Variants in KAT6B observed in about 807,000 individuals in gnomAD.
KAT6B encodes the protein histone acetyltransferase KAT6B.
KAT6B carries 10 observed loss-of-function variants against 187.5 expected under a neutral mutation model. The ratio of observed to expected loss-of-function variants is 0.05; its 90% CI spans 0.03 to 0.09. The LOEUF (loss-of-function observed/expected upper bound fraction) is 0.09, where lower values mean the gene tolerates loss of function less well. KAT6B is among the 10% of genes least tolerant of loss of function. KAT6B has a pLI of 1.00. For synonymous variants in KAT6B, 861 were observed against 926.8 expected, an observed-to-expected ratio of 0.93 and a Z score of 1.29; for missense variants, 1,952 against 2,558.9, an observed-to-expected ratio of 0.76 and a Z score of 5.12.
intron 3 of KAT6B, among the ~76,000 whole-genome samples, chr10:74,850,714 G>A (rs1842424453): frequency 6.6e-6 from 1 of 152,162 alleles, no homozygotes; most frequent in Admixed American, 6.5e-5. Context: ...CAGATTATGA[G>A]GACTTTGGAA....
intron 13 of KAT6B, among the ~76,000 whole-genome samples, chr10:75,018,357 G>T (rs959741017): frequency 2.3e-4 from 35 of 152,234 alleles, no homozygotes; most frequent in Admixed American, 1.8e-3. Context: ...GTCCAAGGGA[G>T]TGTCTCAGGA....
rs763608851 is a variant in KAT6B at position 74,969,788 on chromosome 10, C to T, written c.846+13C>T. On this transcript the variant is annotated intron_variant, in intron 5 of 17. Coordinates refer to ENST00000287239, the MANE Select transcript of KAT6B (RefSeq NM_012330.4). Reference sequence around the variant, plus strand: ...AGGCAGAAATGCTGTAAGTATGGCTCCCGTAATCCGCCTCCAGGTAACTCG... The same window carrying T: ...AGGCAGAAATGCTGTAAGTATGGCTTCCGTAATCCGCCTCCAGGTAACTCG... The T allele has an allele frequency of 1.9e-5, 29 of 1,558,628 alleles. No individual in the cohort carries two copies. Among genetic ancestry groups the T allele is most frequent in the Non-Finnish European group, 9.7e-6 (11 of 1,129,580 alleles).
At chr10:74,928,110 A>C (rs954756900) in intron 3 of KAT6B, among the ~76,000 whole-genome samples, 2 of 152,228 alleles carry the variant, frequency 1.3e-5, no homozygotes, top group Non-Finnish European at 2.9e-5. Flanking sequence ...TATAGCTGTA[A>C]TATAACATTT....
chr10:74,966,669 A>G (rs1233234193), intron 4 of KAT6B, among the ~76,000 whole-genome samples: 1 of 152,238 alleles, frequency 6.6e-6, no homozygotes, highest in Non-Finnish European at 1.5e-5. Context: ...GCAAAATACA[A>G]TAGTAAAACA....
At position 74,843,322 on chromosome 10, in the gene KAT6B, G is replaced by A. The variant is rs143630427; in HGVS notation, c.465G>A (p.Gly155=). The change falls in exon 3 of 18, where the codon GGG becomes GGA. Residue 155 remains glycine, a synonymous_variant. Transcript: ENST00000287239. ...NPAFQQRLRL[G]AKRAVNNGRL... ...CCTTTCAGCAGCGGCTGCGACTGGG[G>A]GCCAAACGCGCTGTGAATAATGGGA... 4.9e-5 allele frequency: 79 copies of A among 1,613,412 alleles called. No individual in the cohort carries two copies. The highest frequency in any genetic ancestry group is 6.2e-5 in the Non-Finnish European group (73 of 1,179,746).
rs1846281058 is a variant in KAT6B, at chr10:75,030,962, G to C, written c.6138G>C (p.Met2046Ile). Reference sequence around the variant, plus strand: ...TGCAGACCCCACCCCACGGTAACATGATGTACACGGCCCCCGGACATCACG... The same window carrying C: ...TGCAGACCCCACCCCACGGTAACATCATGTACACGGCCCCCGGACATCACG... ...QPMQTPPHGN[M>I]MYTAPGHHGY... Residue 2046 changes from methionine (M) to isoleucine (I), a missense_variant, in exon 18 of 18, where the codon ATG becomes ATC. Coordinates refer to ENST00000287239, the MANE Select transcript of KAT6B (RefSeq NM_012330.4). This position sits in a 1 kb window ranked among gnomAD's most constrained non-coding sequence, Gnocchi z 4.8. 2.5e-6 allele frequency: 4 copies of C among 1,614,146 alleles called. No homozygotes were observed. The highest frequency in any genetic ancestry group is 3.4e-6 in the Non-Finnish European group (4 of 1,180,034).
intron 13 of KAT6B, among the ~76,000 whole-genome samples, chr10:74,999,912 C>T (rs1044879256): frequency 6.6e-6 from 1 of 152,228 alleles, no homozygotes; most frequent in Non-Finnish European, 1.5e-5. Context: ...TAGCGTCTCA[C>T]GCCTGTAATC....
chr10:74,961,596 A>G (rs990360294), intron 4 of KAT6B, among the ~76,000 whole-genome samples: 8 of 152,212 alleles, frequency 5.3e-5, no homozygotes, highest in South Asian at 2.1e-4. Flanking sequence ...CATAACTTCA[A>G]GGCCTCCTTC....
chr10:75,010,603 G>A (rs1350792977), intron 13 of KAT6B, among the ~76,000 whole-genome samples: 2 of 152,126 alleles, frequency 1.3e-5, no homozygotes, highest in Non-Finnish European at 2.9e-5. Context: ...AGCATTTTAG[G>A]GGGCTTGTAG....
intron 3 of KAT6B, among the ~76,000 whole-genome samples, chr10:74,924,313 G>T (rs893332062): frequency 4.6e-5 from 7 of 152,256 alleles, no homozygotes; most frequent in Admixed American, 4.6e-4. Flanking sequence ...TATAAATAAA[G>T]TGGCCATAAT....
intron 3 of KAT6B, among the ~76,000 whole-genome samples, chr10:74,846,638 C>T (rs775779457): frequency 1.3e-5 from 2 of 152,082 alleles, no homozygotes; most frequent in Non-Finnish European, 2.9e-5. Flanking sequence ...GGGGTTTCAC[C>T]ATGTTGGCCA....
chr10:74,848,806 G>T (rs889840435), intron 3 of KAT6B, among the ~76,000 whole-genome samples: 7 of 152,102 alleles, frequency 4.6e-5, no homozygotes. Context: ...GGATTCATAT[G>T]TAGATTGATT....
intron 3 of KAT6B, among the ~76,000 whole-genome samples, chr10:74,930,329 C>T (rs758619600): frequency 1.3e-5 from 2 of 152,234 alleles, no homozygotes; most frequent in Admixed American, 6.5e-5. Context: ...ATGAAGACAA[C>T]GTATTAAAGT....
At chr10:74,927,929 A>T (rs1034625824) in intron 3 of KAT6B, among the ~76,000 whole-genome samples, 5 of 152,184 alleles carry the variant, frequency 3.3e-5, no homozygotes, top group African/African-American at 1.2e-4. Context: ...GCCAAACCAG[A>T]TCATGAGTCA....
intron 3 of KAT6B, among the ~76,000 whole-genome samples, chr10:74,898,214 C>A (rs1846119935): frequency 6.6e-6 from 1 of 152,154 alleles, no homozygotes; most frequent in Admixed American, 6.5e-5. Flanking sequence ...GTACAGCTTC[C>A]TTGTTCTGCA....
intron 13 of KAT6B, among the ~76,000 whole-genome samples, chr10:75,015,088 A>T (rs1443983942): frequency 6.6e-6 from 1 of 152,162 alleles, no homozygotes; most frequent in Non-Finnish European, 1.5e-5. Flanking sequence ...CAGGTCTGAG[A>T]TAGGTTCTGA....
chr10:74,961,635 G>A (rs1345732611), intron 4 of KAT6B, among the ~76,000 whole-genome samples: 1 of 152,102 alleles, frequency 6.6e-6, no homozygotes, highest in Non-Finnish European at 1.5e-5. Flanking sequence ...ATTCTAAACA[G>A]GTAGATCTTA....
chr10:74,907,114 A>G (rs1846825455), intron 3 of KAT6B, among the ~76,000 whole-genome samples: 1 of 152,192 alleles, frequency 6.6e-6, no homozygotes, highest in South Asian at 2.1e-4. Context: ...AGTGGTAGAA[A>G]TAGTTATTTT....
intron 3 of KAT6B, among the ~76,000 whole-genome samples, chr10:74,957,292 C>T (rs1178325426): frequency 6.6e-6 from 1 of 152,168 alleles, no homozygotes; most frequent in Non-Finnish European, 1.5e-5. Context: ...GCAGACATTT[C>T]TGTATAATGC....
Sources: allele counts gnomAD v4.1 joint callset (sites outside exome capture counted in the v4.1 genomes callset), GRCh38; gene constraint gnomAD v4.1.1; non-coding constraint Gnocchi (gnomAD v3.1); transcripts MANE v1.5; gene names NCBI Gene and HGNC (gene_info 2026-07-23, HGNC 2026-07-21).